CAMKMT: variants seen among roughly 807,000 people sequenced by gnomAD.
The protein encoded by CAMKMT is calmodulin-lysine N-methyltransferase.
In CAMKMT, 53 loss-of-function variants were observed where a neutral mutation model predicts 48.0. The ratio of observed to expected loss-of-function variants is 1.10; its 90% CI spans 0.89 to 1.39. CAMKMT has a LOEUF of 1.39. CAMKMT is among the 40% of genes most tolerant of loss of function. CAMKMT has a pLI of 0.00. For synonymous variants in CAMKMT, 165 were observed against 152.3 expected, an observed-to-expected ratio of 1.08 and a Z score of -0.61; for missense variants, 428 against 402.7, an observed-to-expected ratio of 1.06 and a Z score of -0.54.
intron 3 of CAMKMT, among the ~76,000 whole-genome samples, chr2:44,590,717 G>C (rs1670210903): frequency 6.6e-6 from 1 of 152,176 alleles, no homozygotes; most frequent in South Asian, 2.1e-4. Flanking sequence ...TGTTCACTCT[G>C]ATGGTAGTTT....
chr2:44,478,727 G>A (rs575381605), intron 3 of CAMKMT, among the ~76,000 whole-genome samples: 2 of 135,552 alleles, frequency 1.5e-5, no homozygotes, highest in South Asian at 2.2e-4. Context: ...TTTGAGAGGC[G>A]TCTCGCTCTG....
chr2:44,659,158 A>AGC (rs1558776665), intron 3 of CAMKMT, among the ~76,000 whole-genome samples: 1 of 147,524 alleles, frequency 6.8e-6, no homozygotes, highest in African/African-American at 2.5e-5. Flanking sequence ...ACAGTGGCTC[A>AGC]CACCTGTAAC....
At chr2:44,520,680 C>T (rs1386920672) in intron 3 of CAMKMT, among the ~76,000 whole-genome samples, 2 of 152,144 alleles carry the variant, frequency 1.3e-5, no homozygotes, top group Non-Finnish European at 2.9e-5. Flanking sequence ...TGCACCTAAT[C>T]TCTCTGATGT....
intron 3 of CAMKMT, among the ~76,000 whole-genome samples, chr2:44,522,328 C>G (rs1315764591): frequency 6.6e-6 from 1 of 152,062 alleles, no homozygotes; most frequent in East Asian, 1.9e-4. Context: ...CATATTCTAT[C>G]TGTCTCTTTC....
chr2:44,469,834 G>C (rs567963178), intron 3 of CAMKMT, among the ~76,000 whole-genome samples: 1 of 150,974 alleles, frequency 6.6e-6, no homozygotes, highest in Non-Finnish European at 1.5e-5. Context: ...ACGTTTGTTT[G>C]CTCTCATGTT....
chr2:44,731,469 G>A (rs1306242417), intron 7 of CAMKMT, among the ~76,000 whole-genome samples: 1 of 152,196 alleles, frequency 6.6e-6, no homozygotes, highest in Non-Finnish European at 1.5e-5. Flanking sequence ...TATAGGGAGA[G>A]TTATCTGTGA....
chr2:44,605,178 G>A (rs559610816), intron 3 of CAMKMT, among the ~76,000 whole-genome samples: 40 of 152,148 alleles, frequency 2.6e-4, no homozygotes, highest in African/African-American at 8.9e-4. Context: ...TGAAGAAGCC[G>A]TAAATAAAAG....
chr2:44,456,653 T>A (rs1157492561), intron 3 of CAMKMT: 2 of 1,537,894 alleles, frequency 1.3e-6, no homozygotes, highest in Non-Finnish European at 8.8e-7. Context: ...CCTGGGGAGA[T>A]GGGACTTATA....
At chr2:44,460,956 C>G (rs982014827) in intron 3 of CAMKMT, among the ~76,000 whole-genome samples, 1 of 151,688 alleles carries the variant, frequency 6.6e-6, no homozygotes, top group Non-Finnish European at 1.5e-5. Context: ...CTCCTGGCCT[C>G]AAAGTGATCC....
At chr2:44,379,211 T>A (rs1679998118) in intron 2 of CAMKMT, among the ~76,000 whole-genome samples, 1 of 152,230 alleles carries the variant, frequency 6.6e-6, no homozygotes, top group Non-Finnish European at 1.5e-5. Context: ...GCGTAATCTT[T>A]TTAAATTTAA....
chr2:44,561,550 C>T (rs1668324029), intron 3 of CAMKMT, among the ~76,000 whole-genome samples: 1 of 152,192 alleles, frequency 6.6e-6, no homozygotes, highest in African/African-American at 2.4e-5. Flanking sequence ...TCTTCTAAGT[C>T]ATACCTGTAG....
intron 3 of CAMKMT, among the ~76,000 whole-genome samples, chr2:44,603,951 G>GT (rs1671142615): frequency 6.6e-6 from 1 of 151,854 alleles, no homozygotes; most frequent in African/African-American, 2.4e-5. Context: ...CTAATAAGAT[G>GT]GTCAAACTGA....
chr2:44,422,495 C>T (rs549764932), intron 3 of CAMKMT, among the ~76,000 whole-genome samples: 2 of 152,292 alleles, frequency 1.3e-5, no homozygotes, highest in African/African-American at 4.8e-5. Flanking sequence ...CACAGATCAA[C>T]GTGCAGGATC....
chr2:44,417,486 G>A (rs972707288), intron 3 of CAMKMT, among the ~76,000 whole-genome samples: 1 of 152,164 alleles, frequency 6.6e-6, no homozygotes, highest in East Asian at 1.9e-4. Context: ...TTCCGGTTTT[G>A]GGCTGTTTTG....
chr2:44,727,166 G>C (rs752111744), intron 7 of CAMKMT, among the ~76,000 whole-genome samples: 3 of 152,152 alleles, frequency 2.0e-5, no homozygotes, highest in Non-Finnish European at 4.4e-5. Flanking sequence ...AATGACATTG[G>C]TAGTTTAATA....
At chr2:44,662,357 C>A (rs1256195784) in intron 3 of CAMKMT, among the ~76,000 whole-genome samples, 1 of 152,202 alleles carries the variant, frequency 6.6e-6, no homozygotes, top group African/African-American at 2.4e-5. Flanking sequence ...TGCTTTCTTA[C>A]TGCCATTGTC....
intron 7 of CAMKMT, among the ~76,000 whole-genome samples, chr2:44,739,913 T>C (rs941278551): frequency 2.0e-5 from 3 of 151,960 alleles, no homozygotes; most frequent in Non-Finnish European, 4.4e-5. Context: ...AGAACTGATA[T>C]AGGAAACAGA....
chr2:44,643,755 G>A (rs149444524), intron 3 of CAMKMT, among the ~76,000 whole-genome samples: 146 of 152,222 alleles, frequency 9.6e-4, no homozygotes, highest in African/African-American at 3.3e-3. Context: ...AAATGTTTCT[G>A]TATTTAAATA....
At chr2:44,623,756 C>A (rs1357320596) in intron 3 of CAMKMT, among the ~76,000 whole-genome samples, 1 of 152,142 alleles carries the variant, frequency 6.6e-6, no homozygotes, top group African/African-American at 2.4e-5. Context: ...GTTATTGTTT[C>A]TGCTGTATTA....
Sources: gnomAD v4.1 joint callset for allele counts (sites outside exome capture counted in the v4.1 genomes callset) on GRCh38, gnomAD v4.1.1 for gene constraint, MANE v1.5 for transcripts, NCBI Gene and HGNC (gene_info 2026-07-23, HGNC 2026-07-21) for gene names.